THTPA: variants seen among roughly 807,000 people sequenced by gnomAD.
THTPA encodes the protein thiamine triphosphatase.
THTPA carries 16 observed loss-of-function variants against 16.5 expected under a neutral mutation model. That is an observed-to-expected ratio of 0.97 (90% CI 0.66 to 1.47). The LOEUF (loss-of-function observed/expected upper bound fraction) is 1.47, where lower values mean the gene tolerates loss of function less well. Among genes scored for constraint, THTPA ranks in the 40% most tolerant of loss-of-function variants. The pLI, the probability that THTPA is intolerant of heterozygous loss-of-function variation, is 0.00. For synonymous variants in THTPA, 110 were observed against 115.5 expected (o/e 0.95, Z 0.30); for missense variants, 281 against 280.9 (o/e 1.00, Z 0.00).
At chr14:23,545,027 A>C in the THTPA span, among the ~76,000 whole-genome samples, 8 of 146,226 alleles carry the variant, frequency 5.5e-5, no homozygotes, top group South Asian at 2.2e-4. Context: ...TTCACTCATC[A>C]CCCTCCCTTT....
At chr14:23,534,232 A>G in the THTPA span, 1 of 1,518,034 alleles carries the variant, frequency 6.6e-7, no homozygotes, top group Non-Finnish European at 8.8e-7. This position sits in a 1 kb window ranked among gnomAD's most constrained non-coding sequence, Gnocchi z 4.5. Flanking sequence ...GCCTGCTGCT[A>G]CTGGCGATTC....
At chr14:23,522,127 G>A in the THTPA span, 1 of 1,530,324 alleles carries the variant, frequency 6.5e-7, no homozygotes, top group Non-Finnish European at 8.7e-7. Flanking sequence ...TGCGCCTGTG[G>A]GCCGAGGAGC....
At chr14:23,537,093 C>T in the THTPA span, among the ~76,000 whole-genome samples, 1 of 149,262 alleles carries the variant, frequency 6.7e-6, no homozygotes, top group Admixed American at 6.6e-5. Context: ...TGAGCCGGGA[C>T]TGCACCATCG....
Position 23,557,028 on chromosome 14 carries a change from C to T in THTPA, c.271C>T (p.Gln91Ter). The T allele has an allele frequency of 6.2e-7, 1 of 1,614,186 alleles. No individual in the cohort carries two copies. Among genetic ancestry groups the T allele is most frequent in the Non-Finnish European group, 8.5e-7 (1 of 1,180,028 alleles). ...CACAGCGGAACCTACAATTGTGGCC[C>T]AACTCTGTAAGGTGCTGCGGGCTGA... ...ELTAEPTIVAQLCKVLRADGL... is the reference protein window; with the variant it reads ...ELTAEPTIVA The change falls in exon 1 of 2, where the codon CAA (glutamine) becomes TAA (stop). Residue 91 changes from glutamine (Q) to a stop codon, truncating the protein, a stop_gained. Coordinates refer to ENST00000288014, the MANE Select transcript of THTPA (RefSeq NM_024328.6). LOFTEE classifies it high-confidence loss of function.
Position 23,557,263 on chromosome 14 carries a change from C to T in THTPA, c.506C>T (p.Pro169Leu), listed in dbSNP as rs746175251. The T allele has an allele frequency of 2.5e-6, 4 of 1,609,812 alleles. No homozygotes were observed. The highest frequency in any genetic ancestry group is 2.2e-5 in the South Asian group (2 of 91,002). ...CTGGTGCATGAGGAGGCTGAAGTAC[C>T]AACTGCCCTAGAGAAGATCCACAGG... ...EALVHEEAEV[P>L]TALEKIHRLS... The change falls in exon 1 of 2, where the codon CCA (proline) becomes CTA (leucine). Residue 169 changes from proline to leucine, a missense_variant. Pro to Leu is a moderately conservative substitution (Grantham distance 98). Coordinates refer to ENST00000288014, the MANE Select transcript of THTPA (RefSeq NM_024328.6).
At chr14:23,526,488 C>T in the THTPA span, 1 of 1,536,002 alleles carries the variant, frequency 6.5e-7, no homozygotes, top group Non-Finnish European at 8.7e-7. Context: ...CCAGTGGTCC[C>T]CTCTTCCTCC....
the THTPA span, among the ~76,000 whole-genome samples, chr14:23,517,095 C>T: frequency 2.6e-5 from 4 of 152,074 alleles, no homozygotes; most frequent in Non-Finnish European, 4.4e-5. Flanking sequence ...TCCATGGCTG[C>T]GGAATTGCAA....
the THTPA span, among the ~76,000 whole-genome samples, chr14:23,544,548 T>C: frequency 1.3e-5 from 2 of 152,212 alleles, no homozygotes; most frequent in African/African-American, 4.8e-5. Flanking sequence ...TCCCAGGCCC[T>C]CCATGTACAC....
At chr14:23,522,420 GTTCAGGAGGCT>G in the THTPA span, 1 of 1,536,494 alleles carries the variant, frequency 6.5e-7, no homozygotes, top group Non-Finnish European at 8.7e-7. Context: ...GGAGCAGGCA[GTTCAGGAGGCT>G]TTGGAGGTGC....
At chr14:23,544,051 A>C in the THTPA span, 8 of 152,172 alleles carry the variant, frequency 5.3e-5, no homozygotes, top group African/African-American at 1.9e-4. Flanking sequence ...CAGGAGCTTG[A>C]GACCAGCCTG....
chr14:23,538,166 G>A, the THTPA span: 2 of 152,182 alleles, frequency 1.3e-5, no homozygotes, highest in Non-Finnish European at 2.9e-5. Flanking sequence ...CTTAGCTTTC[G>A]GCTAGCTTGT....
At chr14:23,546,510 G>A in the THTPA span, among the ~76,000 whole-genome samples, 1 of 152,104 alleles carries the variant, frequency 6.6e-6, no homozygotes, top group East Asian at 1.9e-4. The surrounding 1 kb of genome is among the most constrained non-coding windows in gnomAD (Gnocchi z 4.7). Flanking sequence ...TGAGGACCCT[G>A]GTCTCTGGAC....
chr14:23,533,220 G>A, the THTPA span: 1 of 1,436,116 alleles, frequency 7.0e-7, no homozygotes, highest in Middle Eastern at 2.4e-4. This position sits in a 1 kb window ranked among gnomAD's most constrained non-coding sequence, Gnocchi z 4.8. Flanking sequence ...TGGTCCTTGG[G>A]AGAAAGCACG....
Position 23,558,896 on chromosome 14 carries a change from G to C in THTPA, c.*56G>C. 6.2e-7 allele frequency: 1 copy of C among 1,601,872 alleles called. No individual in the cohort carries two copies. The highest frequency in any genetic ancestry group is 1.7e-4 in the Middle Eastern group (1 of 5,896). Reference sequence around the variant, plus strand: ...TCTGGGTCTAACGGAGTCCACTCCTGGGCCCACTGTGCCTCTCCCCTCAGT... The same window carrying C: ...TCTGGGTCTAACGGAGTCCACTCCTCGGCCCACTGTGCCTCTCCCCTCAGT... On this transcript the variant is annotated 3_prime_UTR_variant, in exon 2 of 2. Transcript: ENST00000288014.
chr14:23,525,397 A>G, the THTPA span: 2 of 1,536,152 alleles, frequency 1.3e-6, no homozygotes, highest in Non-Finnish European at 1.7e-6. The surrounding 1 kb of genome is among the most constrained non-coding windows in gnomAD (Gnocchi z 5.9). Flanking sequence ...ACTGAGCAGC[A>G]TAACGGCTCA....
the THTPA span, chr14:23,523,863 CAG>C: frequency 6.5e-7 from 1 of 1,536,196 alleles, no homozygotes; most frequent in South Asian, 1.2e-5. The surrounding 1 kb of genome is among the most constrained non-coding windows in gnomAD (Gnocchi z 4.1). Flanking sequence ...AGATCTCCTG[CAG>C]AGAGACTGCA....
At position 23,558,984 on chromosome 14, in the gene THTPA, T is replaced by C; in HGVS notation, c.*144T>C. The C allele has an allele frequency of 4.0e-6, 4 of 1,008,424 alleles. No individual in the cohort carries two copies. Among genetic ancestry groups the C allele is most frequent in the Non-Finnish European group, 5.7e-6 (4 of 702,016 alleles). 62.5% of individuals were successfully genotyped at this position (1,008,424 alleles called of 1,614,324 possible). On this transcript the variant is annotated 3_prime_UTR_variant, in exon 2 of 2. Transcript: ENST00000288014. ...CCTGTTTCTTCCCCCTCCTCTAAGC[T>C]ACTCTTCCTTGAGCCCTCCCTGGCT...
the THTPA span, chr14:23,532,373 G>T: frequency 1.6e-6 from 1 of 641,212 alleles, no homozygotes; most frequent in Non-Finnish European, 2.3e-6. Context: ...ACTTGTCAGA[G>T]TTTACTATCC....
the THTPA span, among the ~76,000 whole-genome samples, chr14:23,518,872 A>G: frequency 6.6e-6 from 1 of 152,168 alleles, no homozygotes; most frequent in Non-Finnish European, 1.5e-5. This position sits in a 1 kb window ranked among gnomAD's most constrained non-coding sequence, Gnocchi z 4.5. Flanking sequence ...CAGAATGCCC[A>G]CTGTGCATTG....
Sources: allele counts gnomAD v4.1 joint callset (sites outside exome capture counted in the v4.1 genomes callset), GRCh38; gene constraint gnomAD v4.1.1; non-coding constraint Gnocchi (gnomAD v3.1); transcripts MANE v1.5; gene names NCBI Gene and HGNC (gene_info 2026-07-23, HGNC 2026-07-21).